Variants in NETO1 observed in about 807,000 individuals in gnomAD.
The protein encoded by NETO1 is neuropilin and tolloid-like protein 1.
NETO1 carries 26 observed loss-of-function variants against 61.3 expected under a neutral mutation model. The observed-to-expected ratio is 0.42, with a 90% confidence interval of 0.31 to 0.59. The LOEUF (loss-of-function observed/expected upper bound fraction) is 0.59, where lower values mean the gene tolerates loss of function less well. NETO1 is among the 20% of genes least tolerant of loss of function. The pLI, the probability that NETO1 is intolerant of heterozygous loss-of-function variation, is 0.12. For synonymous variants in NETO1, 225 were observed against 225.8 expected (o/e 1.00, Z 0.03); for missense variants, 531 against 662.8 (o/e 0.80, Z 2.18).
chr18:72,847,079 T>C (rs912584367), intron 4 of NETO1, among the ~76,000 whole-genome samples: 3 of 152,246 alleles, frequency 2.0e-5, no homozygotes, highest in Admixed American at 2.0e-4. Context: ...CTCTTGGGGC[T>C]TTGAAGTGCA....
chr18:72,757,862 G>A (rs1419438836), intron 7 of NETO1, among the ~76,000 whole-genome samples: 1 of 152,090 alleles, frequency 6.6e-6, no homozygotes, highest in Non-Finnish European at 1.5e-5. Context: ...ATATAAAGGA[G>A]ATTTTGGCAA....
At chr18:72,768,696 C>T (rs908434508) in intron 7 of NETO1, among the ~76,000 whole-genome samples, 1 of 152,124 alleles carries the variant, frequency 6.6e-6, no homozygotes, top group Non-Finnish European at 1.5e-5. Context: ...CAAAGGCACA[C>T]AAAGATGCTA....
At chr18:72,792,971 C>T (rs572933727) in intron 6 of NETO1, among the ~76,000 whole-genome samples, 2 of 152,102 alleles carry the variant, frequency 1.3e-5, no homozygotes, top group Non-Finnish European at 2.9e-5. Context: ...ACGATTCTAC[C>T]ATTGACTTCC....
At chr18:72,764,354 T>A (rs12966522) in intron 7 of NETO1, among the ~76,000 whole-genome samples, 45,580 of 151,802 alleles carry the variant, frequency 0.3, 7,935 homozygotes, top group South Asian at 0.41. Flanking sequence ...CATATCAACA[T>A]TCTATAGTTA....
intron 4 of NETO1, among the ~76,000 whole-genome samples, chr18:72,828,729 A>G (rs2145368236): frequency 6.6e-6 from 1 of 152,346 alleles, no homozygotes; most frequent in Admixed American, 6.5e-5. Flanking sequence ...TAAAATCTTG[A>G]AGCCACAGAA....
intron 7 of NETO1, 104 bp downstream of exon 7, chr18:72,783,574 A>C: frequency 1.1e-6 from 1 of 892,328 alleles, no homozygotes; most frequent in Non-Finnish European, 1.8e-6. Context: ...ATTAGAGAAT[A>C]GCCTGCTGTG....
chr18:72,751,750 C>T (rs1263457081), intron 8 of NETO1, among the ~76,000 whole-genome samples: 1 of 152,196 alleles, frequency 6.6e-6, no homozygotes, highest in East Asian at 1.9e-4. Flanking sequence ...ATAAACAGAC[C>T]TGTACCACTG....
At chr18:72,749,512 T>C (rs1045058513) in intron 9 of NETO1, among the ~76,000 whole-genome samples, 1 of 152,180 alleles carries the variant, frequency 6.6e-6, no homozygotes, top group Non-Finnish European at 1.5e-5. Flanking sequence ...GAATATACTA[T>C]ACTATCCTAT....
chr18:72,782,671 G>C (rs577148575), intron 7 of NETO1, among the ~76,000 whole-genome samples: 19 of 152,074 alleles, frequency 1.2e-4, no homozygotes, highest in Non-Finnish European at 2.4e-4. Flanking sequence ...GTGCATGGTG[G>C]TGCATGCCTG....
intron 4 of NETO1, among the ~76,000 whole-genome samples, chr18:72,838,879 C>T (rs1056302612): frequency 5.3e-5 from 8 of 152,110 alleles, no homozygotes; most frequent in Non-Finnish European, 1.0e-4. Flanking sequence ...ACCTATTTCT[C>T]TCAACCGTAA....
intron 4 of NETO1, among the ~76,000 whole-genome samples, chr18:72,840,067 T>C (rs1001011868): frequency 2.0e-5 from 3 of 152,230 alleles, no homozygotes; most frequent in African/African-American, 4.8e-5. Flanking sequence ...TTAATTCCTT[T>C]GAAAACAGTA....
In NETO1 at chr18:72,750,104, G is replaced by A; in HGVS notation, c.1499C>T (p.Thr500Ile). ...GTGTCTGGACAGCCTGTGACTGGTG[G>A]TCGGCACCTCTTCGATTTCATCTAT... Reference protein sequence around the residue: ...CDIDEIEEVPTTSHRLSRHDK... With the variant: ...CDIDEIEEVPITSHRLSRHDK... Residue 500 changes from threonine (T) to isoleucine (I), a missense_variant, in exon 9 of 11, where the codon ACC (threonine) becomes ATC (isoleucine). Transcript: ENST00000327305. 6.2e-7 allele frequency: 1 copy of A among 1,609,280 alleles called. No individual in the cohort carries two copies. The highest frequency in any genetic ancestry group is 8.5e-7 in the Non-Finnish European group (1 of 1,177,858).
chr18:72,743,159 A>G (rs1239648923), downstream of NETO1, among the ~76,000 whole-genome samples: 2 of 152,166 alleles, frequency 1.3e-5, no homozygotes, highest in Non-Finnish European at 1.5e-5. Context: ...ATAGTATTCC[A>G]TGCACTCAGA....
Position 72,792,454 on chromosome 18 carries a change from C to T in NETO1, c.639+1663G>A, listed in dbSNP as rs371461453. Among the ~76,000 whole-genome samples the T allele has an allele frequency of 5.3e-5, 8 of 151,690 alleles. No homozygotes were observed. The East Asian group carries it at 9.9e-4, about 19-fold the overall frequency. The stretch of plus-strand genomic sequence containing the variant: ...AAAATAAAAAACAACAAAAACGGTG[C>T]GGAGGGGCTCTTCTTTTCCCCTCAG... On this transcript the variant is annotated intron_variant, in intron 6 of 10. Transcript: ENST00000327305.
intron 4 of NETO1, chr18:72,835,203 GCTT>G (rs1480611348): frequency 2.3e-5 from 32 of 1,386,762 alleles, no homozygotes; most frequent in Non-Finnish European, 3.0e-5. Context: ...CAGCATGTGT[GCTT>G]CAAGATGGTG....
intron 7 of NETO1, among the ~76,000 whole-genome samples, chr18:72,770,182 C>G (rs2071307897): frequency 6.6e-6 from 1 of 151,854 alleles, no homozygotes; most frequent in South Asian, 2.1e-4. Context: ...GGTATTTATG[C>G]TTCTCTTATG....
At chr18:72,803,898 T>C (rs1371028635) in intron 4 of NETO1, among the ~76,000 whole-genome samples, 1 of 152,062 alleles carries the variant, frequency 6.6e-6, no homozygotes, top group Non-Finnish European at 1.5e-5. Flanking sequence ...TCTCTTCATC[T>C]ACTTCCACCA....
intron 4 of NETO1, among the ~76,000 whole-genome samples, chr18:72,818,772 A>T: frequency 6.6e-6 from 1 of 152,150 alleles, no homozygotes; most frequent in African/African-American, 2.4e-5. Flanking sequence ...CTTTATATAA[A>T]CATTTTTTCG....
chr18:72,824,102 A>G (rs1293238656), intron 4 of NETO1, among the ~76,000 whole-genome samples: 1 of 152,242 alleles, frequency 6.6e-6, no homozygotes, highest in Non-Finnish European at 1.5e-5. Flanking sequence ...ATTTTGTTCT[A>G]AAGTAATAAT....
Sources: allele counts gnomAD v4.1 joint callset (sites outside exome capture counted in the v4.1 genomes callset), GRCh38; gene constraint gnomAD v4.1.1; transcripts MANE v1.5; gene names NCBI Gene and HGNC (gene_info 2026-07-23, HGNC 2026-07-21).